The following RASGRF2 variants were observed in gnomAD, a reference collection of about 807,000 sequenced individuals.
RASGRF2 encodes the protein ras-specific guanine nucleotide-releasing factor 2.
RASGRF2 carries 76 observed loss-of-function variants against 151.0 expected under a neutral mutation model. The observed-to-expected ratio is 0.50, with a 90% CI of 0.42 to 0.61. The LOEUF (loss-of-function observed/expected upper bound fraction) is 0.61, where lower values mean the gene tolerates loss of function less well. RASGRF2 is among the 20% of genes least tolerant of loss of function. The probability of loss-of-function intolerance (pLI) is 0.00; values close to 1 mark genes in which losing one functional copy is unlikely to be tolerated. For synonymous variants in RASGRF2, 504 were observed against 566.5 expected, an observed-to-expected ratio of 0.89 and a Z score of 1.57; for missense variants, 1,148 against 1,564.6, an observed-to-expected ratio of 0.73 and a Z score of 4.49.
At chr5:80,986,397 A>T (rs1020020133) in intron 1 of RASGRF2, among the ~76,000 whole-genome samples, 2 of 152,196 alleles carry the variant, frequency 1.3e-5, no homozygotes, top group South Asian at 4.1e-4. Flanking sequence ...TTATCTGTGT[A>T]TCTGTCTGTC....
chr5:81,178,213 A>G (rs1012456649), intron 17 of RASGRF2, among the ~76,000 whole-genome samples: 1 of 152,196 alleles, frequency 6.6e-6, no homozygotes, highest in Admixed American at 6.5e-5. Context: ...GGTTTTGTAG[A>G]TGGGAAGACA....
At chr5:81,053,406 G>A (rs1347784741) in intron 2 of RASGRF2, among the ~76,000 whole-genome samples, 1 of 151,594 alleles carries the variant, frequency 6.6e-6, no homozygotes, top group African/African-American at 2.4e-5. Flanking sequence ...ATAGTTTGCT[G>A]AGAATGATGG....
chr5:81,127,664 C>G (rs1029953333), intron 17 of RASGRF2, among the ~76,000 whole-genome samples: 1 of 151,948 alleles, frequency 6.6e-6, no homozygotes, highest in Non-Finnish European at 1.5e-5. Context: ...TGGCTCACAC[C>G]TGTAATCCTA....
intron 26 of RASGRF2, among the ~76,000 whole-genome samples, chr5:81,221,285 G>T (rs1054355635): frequency 6.6e-6 from 1 of 152,092 alleles, no homozygotes; most frequent in African/African-American, 2.4e-5. Context: ...CTCTCCTTGA[G>T]AGCGAAATAT....
At position 81,103,589 on chromosome 5, in the gene RASGRF2, T is replaced by C. The variant is rs557072866; in HGVS notation, c.1756-5407T>C. Among the ~76,000 whole-genome samples the C allele has an allele frequency of 8.5e-5, 13 of 152,220 alleles. No individual in the cohort carries two copies. In the South Asian group the frequency reaches 2.7e-3, roughly 32 times the overall value. ...AAAAGTGGATGAAAGATATGAATCC[T>C]CATACTGAAGAAACATACCAAATTC... is the stretch of plus-strand genomic sequence containing the variant. On this transcript the variant is annotated intron_variant, in intron 12 of 26. Coordinates refer to ENST00000265080, the MANE Select transcript of RASGRF2 (RefSeq NM_006909.3).
intron 1 of RASGRF2, among the ~76,000 whole-genome samples, chr5:81,020,425 C>T (rs908505862): frequency 6.6e-6 from 1 of 152,080 alleles, no homozygotes; most frequent in African/African-American, 2.4e-5. Flanking sequence ...TAGTCATCAT[C>T]GTGTATGACT....
chr5:81,217,549 A>G, intron 25 of RASGRF2, 76 bp downstream of exon 25: 1 of 996,522 alleles, frequency 1.0e-6, no homozygotes, highest in Non-Finnish European at 1.4e-6. Context: ...AATAAAAGTC[A>G]ATGTCTGCTT....
intron 17 of RASGRF2, among the ~76,000 whole-genome samples, chr5:81,173,342 C>T (rs1214319024): frequency 3.3e-5 from 5 of 152,278 alleles, no homozygotes; most frequent in African/African-American, 9.6e-5. Context: ...CGTGCCATTG[C>T]ACTCCAGCCT....
At chr5:81,005,366 C>T (rs910778248) in intron 1 of RASGRF2, among the ~76,000 whole-genome samples, 3 of 152,014 alleles carry the variant, frequency 2.0e-5, no homozygotes, top group Admixed American at 6.6e-5. Flanking sequence ...ATAAAACCGT[C>T]GGATCTCGTG....
intron 18 of RASGRF2, among the ~76,000 whole-genome samples, chr5:81,186,322 A>G (rs1173573162): frequency 6.6e-6 from 1 of 152,144 alleles, no homozygotes; most frequent in African/African-American, 2.4e-5. Flanking sequence ...AGCACCTGAG[A>G]GGGGCCTCCA....
chr5:80,964,201 A>T (rs374152655), intron 1 of RASGRF2, among the ~76,000 whole-genome samples: 14 of 152,080 alleles, frequency 9.2e-5, no homozygotes, highest in Non-Finnish European at 5.9e-5. Flanking sequence ...CTTCTTTGGG[A>T]TAGCAATGGT....
At position 81,147,225 on chromosome 5, in the gene RASGRF2, A is replaced by T. The variant is rs7731532; in HGVS notation, c.2686+20062A>T. 1.7e-3 allele frequency among the ~76,000 whole-genome samples: 261 copies of T among 152,358 alleles called. 1 individual carries two copies. Among genetic ancestry groups the T allele is most frequent in the African/African-American group, 6.1e-3 (252 of 41,576 alleles). On this transcript the variant is annotated intron_variant, in intron 17 of 26. Transcript: ENST00000265080. ...TGAAATAATAGGTTAATATAGTTTC[A>T]AATTATTTCATAGGCTCTTCCAATT...
At chr5:81,071,206 A>G (rs1167286993) in intron 4 of RASGRF2, among the ~76,000 whole-genome samples, 1 of 152,246 alleles carries the variant, frequency 6.6e-6, no homozygotes, top group Non-Finnish European at 1.5e-5. Context: ...AGCTTTGTTA[A>G]TAATAAGTGG....
At chr5:80,994,619 G>A (rs1209234354) in intron 1 of RASGRF2, among the ~76,000 whole-genome samples, 1 of 152,164 alleles carries the variant, frequency 6.6e-6, no homozygotes, top group Non-Finnish European at 1.5e-5. Context: ...ACAGATACGT[G>A]ATAATATGGT....
chr5:81,042,811 C>T (rs1250708968), intron 1 of RASGRF2, 66 bp from the exon 2 acceptor site: 14 of 1,105,626 alleles, frequency 1.3e-5, no homozygotes, highest in East Asian at 2.5e-5. Flanking sequence ...TAGGCAGATA[C>T]TGTGTTATTA....
At chr5:81,097,189 G>T (rs1299716619) in intron 12 of RASGRF2, among the ~76,000 whole-genome samples, 1 of 152,126 alleles carries the variant, frequency 6.6e-6, no homozygotes, top group East Asian at 1.9e-4. Flanking sequence ...TCAAACTTCT[G>T]ACCTCAGGTG....
chr5:81,158,740 A>G lies in RASGRF2; in HGVS notation c.2687-21435A>G, dbSNP rs574649875. On this transcript the variant is annotated intron_variant, in intron 17 of 26. Transcript: ENST00000265080. ...AGAAGAAATACAAATTAAAACCACC[A>G]TGATATTCCCATTAGAATAGCAAAA... 2.1e-3 allele frequency among the ~76,000 whole-genome samples: 320 copies of G among 152,344 alleles called. 1 individual carries two copies. Among genetic ancestry groups the G allele is most frequent in the African/African-American group, 7.3e-3 (302 of 41,578 alleles).
At chr5:81,203,584 T>G (rs1755442718) in intron 19 of RASGRF2, among the ~76,000 whole-genome samples, 1 of 152,226 alleles carries the variant, frequency 6.6e-6, no homozygotes, top group Admixed American at 6.5e-5. Context: ...GAAATTTTAG[T>G]AGGCAGTAGA....
intron 4 of RASGRF2, 108 bp from the exon 5 acceptor site, chr5:81,073,091 T>A (rs967198058): frequency 1.5e-6 from 2 of 1,321,746 alleles, no homozygotes; most frequent in African/African-American, 3.0e-5. Context: ...ATTTTAGAGG[T>A]TATCATGTTT....
Sources: gnomAD v4.1 joint callset for allele counts (sites outside exome capture counted in the v4.1 genomes callset) on GRCh38, gnomAD v4.1.1 for gene constraint, MANE v1.5 for transcripts, NCBI Gene and HGNC (gene_info 2026-07-23, HGNC 2026-07-21) for gene names.